ACACA: variants seen among roughly 807,000 people sequenced by gnomAD.
The protein encoded by ACACA is acetyl-CoA carboxylase alpha.
ACACA carries 103 observed loss-of-function variants against 296.1 expected under a neutral mutation model. The ratio of observed to expected loss-of-function variants is 0.35; its 90% CI spans 0.30 to 0.41. ACACA has a LOEUF of 0.41. Ranked by LOEUF, ACACA falls within the 10% of genes least tolerant of loss-of-function variation. The pLI is 1.00. For synonymous variants in ACACA, 953 were observed against 1,038.6 expected, an observed-to-expected ratio of 0.92 and a Z score of 1.58; for missense variants, 1,554 against 2,989.7, an observed-to-expected ratio of 0.52 and a Z score of 11.20.
At chr17:37,186,298 T>C (rs144231071) in intron 39 of ACACA, among the ~76,000 whole-genome samples, 257 of 152,356 alleles carry the variant, frequency 1.7e-3, no homozygotes, top group Admixed American at 3.3e-3. Flanking sequence ...TAGAACACTG[T>C]ATTTATTTAT....
At chr17:37,260,281 TATATATATATATA>T (rs2081423308) in intron 11 of ACACA, among the ~76,000 whole-genome samples, 14 of 36,218 alleles carry the variant, frequency 3.9e-4, no homozygotes, top group South Asian at 1.3e-3. Flanking sequence ...TATATATATA[TATATATATATATA>T]TATTTTTTTT....
chr17:37,125,070 C>G (rs993829096), intron 48 of ACACA, among the ~76,000 whole-genome samples: 1 of 152,158 alleles, frequency 6.6e-6, no homozygotes, highest in Admixed American at 6.5e-5. Flanking sequence ...TTATAGCAAG[C>G]ACTACAGATT....
At chr17:37,243,585 G>A (rs201689408) in intron 21 of ACACA, 26 bp from the exon 22 acceptor site, 21 of 1,608,464 alleles carry the variant, frequency 1.3e-5, no homozygotes, top group Admixed American at 3.3e-5. Flanking sequence ...TGGTAAAATA[G>A]GACCCAAGTT....
chr17:37,382,319 C>G (rs958408634), intron 1 of ACACA, among the ~76,000 whole-genome samples: 2 of 151,932 alleles, frequency 1.3e-5, no homozygotes, highest in Non-Finnish European at 2.9e-5. Flanking sequence ...CTCCTTCTGC[C>G]CTCCTTTCCT....
chr17:37,346,701 CAA>C (rs1233696565), intron 1 of ACACA, among the ~76,000 whole-genome samples: 101 of 36,686 alleles, frequency 2.8e-3, no homozygotes, highest in African/African-American at 5.9e-3. Context: ...GACTCCATCT[CAA>C]AAAAAAAAAA....
intron 3 of ACACA, among the ~76,000 whole-genome samples, chr17:37,307,366 C>T (rs949439838): frequency 1.2e-4 from 19 of 152,144 alleles, no homozygotes; most frequent in African/African-American, 4.3e-4. Flanking sequence ...TCAGTGTGTT[C>T]CACTTCCTTG....
chr17:37,363,935 C>T (rs1356664009), intron 1 of ACACA, among the ~76,000 whole-genome samples: 1 of 152,008 alleles, frequency 6.6e-6, no homozygotes, highest in Non-Finnish European at 1.5e-5. Context: ...CTAGCCTGGC[C>T]AATATGGTGA....
chr17:37,266,858 ATTT>A lies in ACACA; in HGVS notation c.1120-2967_1120-2965del, dbSNP rs1249769495. Among the ~76,000 whole-genome samples, 4 of 152,134 alleles carry A rather than the reference ATTT, an allele frequency of 2.6e-5. No individual in the cohort carries two copies. In the South Asian group the frequency reaches 8.3e-4, roughly 31 times the overall value. On this transcript the variant is annotated intron_variant, in intron 10 of 55. Transcript: ENST00000616317. ...TGTCTTCCAAGTTACCTCAGATAACATTTTTTTGCCAATTGTTCCATTATTACA... is the reference window on the plus strand; with the variant it reads ...TGTCTTCCAAGTTACCTCAGATAACATTTTGCCAATTGTTCCATTATTACA...
intron 1 of ACACA, chr17:37,360,101 T>A (rs2049345569): frequency 6.6e-6 from 1 of 152,212 alleles, no homozygotes; most frequent in East Asian, 1.9e-4. Context: ...ACTTTCATGG[T>A]AGCTGTGTGT....
At chr17:37,194,475 C>G (rs768473991) in intron 35 of ACACA, among the ~76,000 whole-genome samples, 1 of 152,112 alleles carries the variant, frequency 6.6e-6, no homozygotes, top group Non-Finnish European at 1.5e-5. Flanking sequence ...AATCACAGAG[C>G]TGGAAGATAA....
At chr17:37,323,819 C>A (rs547302919) in intron 3 of ACACA, among the ~76,000 whole-genome samples, 1 of 152,304 alleles carries the variant, frequency 6.6e-6, no homozygotes, top group African/African-American at 2.4e-5. Flanking sequence ...TGATAGCATG[C>A]GGTGAATTTT....
intron 1 of ACACA, chr17:37,388,890 T>C: frequency 6.8e-7 from 1 of 1,477,642 alleles, no homozygotes; most frequent in Non-Finnish European, 9.2e-7. Context: ...GCATAGACTT[T>C]GGAATTTGAG....
chr17:37,347,745 T>TAAAAAAAA (rs1200225097), intron 1 of ACACA, among the ~76,000 whole-genome samples: 1 of 101,822 alleles, frequency 9.8e-6, no homozygotes. Context: ...CCTACTTACG[T>TAAAAAAAA]AAAAAAAAAA....
intron 45 of ACACA, among the ~76,000 whole-genome samples, chr17:37,143,103 C>T (rs931322366): frequency 6.6e-6 from 1 of 152,004 alleles, no homozygotes; most frequent in Non-Finnish European, 1.5e-5. Flanking sequence ...AACTGTAGCC[C>T]AGAGAGGTTA....
At chr17:37,208,492 C>A (rs934620459) in intron 30 of ACACA, among the ~76,000 whole-genome samples, 1 of 152,056 alleles carries the variant, frequency 6.6e-6, no homozygotes, top group Non-Finnish European at 1.5e-5. Flanking sequence ...CCAAATTGCA[C>A]GTTTTTCTTT....
intron 1 of ACACA, among the ~76,000 whole-genome samples, chr17:37,351,963 C>T (rs2048923423): frequency 7.2e-6 from 1 of 139,726 alleles, no homozygotes; most frequent in African/African-American, 2.8e-5. Flanking sequence ...CAGAGTCTTG[C>T]TCTGTCACCC....
At chr17:37,180,565 T>C (rs1598087751) in intron 40 of ACACA, among the ~76,000 whole-genome samples, 1 of 152,218 alleles carries the variant, frequency 6.6e-6, no homozygotes, top group East Asian at 1.9e-4. Flanking sequence ...TACACTTTTC[T>C]TGCCTTCTAT....
At chr17:37,293,539 C>CTTTTT (rs58534025) in intron 3 of ACACA, among the ~76,000 whole-genome samples, 10 of 124,612 alleles carry the variant, frequency 8.0e-5, no homozygotes, top group East Asian at 2.3e-4. Context: ...AATTTTAGGA[C>CTTTTT]TTTTTTTTTT....
chr17:37,279,897 T>A (rs1308580448), intron 5 of ACACA, among the ~76,000 whole-genome samples: 1 of 152,180 alleles, frequency 6.6e-6, no homozygotes. Flanking sequence ...ATATTTTTTA[T>A]GGATACCTAA....
Sources: allele counts gnomAD v4.1 joint callset (sites outside exome capture counted in the v4.1 genomes callset), GRCh38; gene constraint gnomAD v4.1.1; transcripts MANE v1.5; gene names NCBI Gene and HGNC (gene_info 2026-07-23, HGNC 2026-07-21).